The following DNM3 variants were observed in gnomAD, a reference collection of about 807,000 sequenced individuals.
DNM3 encodes dynamin 3.
A neutral mutation model predicts 101.6 loss-of-function variants in DNM3; 47 were observed. The ratio of observed to expected loss-of-function variants is 0.46; its 90% CI spans 0.37 to 0.59. The LOEUF is 0.59. DNM3 is among the 20% of genes least tolerant of loss of function. DNM3 has a pLI of 0.00. For synonymous variants in DNM3, 385 were observed against 387.9 expected, an observed-to-expected ratio of 0.99 and a Z score of 0.09; for missense variants, 849 against 1,085.7, an observed-to-expected ratio of 0.78 and a Z score of 3.06.
rs191279267 is a variant in DNM3 at position 171,867,381 on chromosome 1, G to A, written c.161+25564G>A. Among the ~76,000 whole-genome samples the A allele has an allele frequency of 3.4e-3, 525 of 152,218 alleles. 7 individuals carry two copies. The highest frequency in any genetic ancestry group is 0.012 in the African/African-American group (493 of 41,506). ...AATTTGTATTTTAATATGGCTGTTC[G>A]TGCTTCAAACCTCACATATTTGGAA... On this transcript the variant is annotated intron_variant, in intron 1 of 20. Transcript: ENST00000627582.
intron 16 of DNM3, among the ~76,000 whole-genome samples, chr1:172,316,536 T>G (rs927865475): frequency 3.9e-4 from 59 of 151,924 alleles, no homozygotes; most frequent in African/African-American, 7.7e-4. Context: ...ATAAAAGGAT[T>G]GAGGAAGATC....
At chr1:172,293,513 A>G (rs2064018728) in intron 15 of DNM3, among the ~76,000 whole-genome samples, 1 of 152,226 alleles carries the variant, frequency 6.6e-6, no homozygotes, top group Admixed American at 6.5e-5. Context: ...TGCAGCTGAA[A>G]TAGACTAAAC....
At chr1:171,981,225 T>C (rs2044765857) in intron 2 of DNM3, among the ~76,000 whole-genome samples, 1 of 152,214 alleles carries the variant, frequency 6.6e-6, no homozygotes, top group Non-Finnish European at 1.5e-5. Context: ...CAGTCCCTTA[T>C]GTATATGACC....
chr1:172,372,844 T>A (rs2068415164), intron 17 of DNM3, among the ~76,000 whole-genome samples: 1 of 151,692 alleles, frequency 6.6e-6, no homozygotes, highest in Non-Finnish European at 1.5e-5. Context: ...CCAGTATGCC[T>A]GGCTAATTTT....
chr1:171,918,624 TG>T lies in DNM3; in HGVS notation c.162-3122del, dbSNP rs567458892. 1.3e-3 allele frequency among the ~76,000 whole-genome samples: 200 copies of T among 152,330 alleles called. 2 individuals carry two copies. Among genetic ancestry groups the T allele is most frequent in the African/African-American group, 4.4e-3 (181 of 41,578 alleles). The stretch of plus-strand genomic sequence containing the variant: ...TTTGATTATCAAAATTTTTGGCTTT[TG>T]GTGAGAATATATCTGTCAGTGGTAG... On this transcript the variant is annotated intron_variant, in intron 1 of 20. Coordinates refer to ENST00000627582, the MANE Select transcript of DNM3 (RefSeq NM_015569.5).
intron 18 of DNM3, among the ~76,000 whole-genome samples, chr1:172,385,371 A>G (rs1028226373): frequency 2.6e-5 from 4 of 152,222 alleles, no homozygotes; most frequent in Non-Finnish European, 4.4e-5. Context: ...CCAAGCAAAT[A>G]AAGTTCAAAC....
In DNM3 at chr1:171,950,224, T is replaced by C. The variant is rs544789315; in HGVS notation, c.235+28403T>C. The stretch of plus-strand genomic sequence containing the variant: ...GAAGCCAGAAAAAAAAGAGTATATA[T>C]AGTATGATTCTGCAGATGGTCTCCA... On this transcript the variant is annotated intron_variant, in intron 2 of 20. Transcript: ENST00000627582. Among the ~76,000 whole-genome samples, 3 of 152,244 alleles carry C rather than the reference T, an allele frequency of 2.0e-5. No homozygotes were observed. In the South Asian group the frequency reaches 6.2e-4, roughly 32 times the overall value.
intron 2 of DNM3, among the ~76,000 whole-genome samples, chr1:171,962,979 G>A (rs569000258): frequency 1.4e-4 from 21 of 152,174 alleles, no homozygotes; most frequent in Admixed American, 9.2e-4. Flanking sequence ...ACAGTTCAGC[G>A]GTTTCTTAGG....
intron 13 of DNM3, among the ~76,000 whole-genome samples, chr1:172,129,929 A>T (rs1451369776): frequency 6.6e-6 from 1 of 152,178 alleles, no homozygotes; most frequent in East Asian, 1.9e-4. Flanking sequence ...AATGGGGGTT[A>T]TAAAAGCAAC....
intron 14 of DNM3, among the ~76,000 whole-genome samples, chr1:172,135,600 G>T (rs2057179215): frequency 6.6e-6 from 1 of 151,864 alleles, no homozygotes; most frequent in Non-Finnish European, 1.5e-5. Context: ...ATTTCCCAAT[G>T]TTGTTTTCAT....
At chr1:172,174,318 C>A (rs563373626) in intron 14 of DNM3, among the ~76,000 whole-genome samples, 58 of 151,424 alleles carry the variant, frequency 3.8e-4, no homozygotes, top group African/African-American at 1.4e-3. Context: ...ATTAATGGAA[C>A]CTAAGTTTAA....
chr1:172,349,727 G>A (rs1288947500), intron 17 of DNM3, among the ~76,000 whole-genome samples: 1 of 152,112 alleles, frequency 6.6e-6, no homozygotes, highest in Non-Finnish European at 1.5e-5. Context: ...AATAAATGAA[G>A]ACAATGTTCA....
rs2069597117 is a variant in DNM3 at position 172,392,393 on chromosome 1, G to C, written c.2522+3584G>C. 2.0e-5 allele frequency among the ~76,000 whole-genome samples: 3 copies of C among 149,456 alleles called. 1 individual carries two copies. The South Asian group carries it at 6.5e-4, about 33-fold the overall frequency. On this transcript the variant is annotated intron_variant, in intron 20 of 20. Transcript: ENST00000627582. ...CACCTCCACTCAACTTCTCTGAAGG[G>C]GCTAAATGCTGTTTGAAAATCCAAT... is the stretch of plus-strand genomic sequence containing the variant.
intron 15 of DNM3, among the ~76,000 whole-genome samples, chr1:172,270,557 A>G (rs2063044883): frequency 6.6e-6 from 1 of 152,170 alleles, no homozygotes; most frequent in South Asian, 2.1e-4. Context: ...CATAAATTAT[A>G]TTATTCTGCT....
At chr1:172,144,177 T>A (rs2057747343) in intron 14 of DNM3, among the ~76,000 whole-genome samples, 1 of 143,686 alleles carries the variant, frequency 7.0e-6, no homozygotes, top group South Asian at 2.2e-4. Context: ...GAATTATCAA[T>A]CTTCAGAAAT....
intron 14 of DNM3, among the ~76,000 whole-genome samples, chr1:172,225,764 T>TA (rs1208808617): frequency 6.6e-6 from 1 of 151,904 alleles, no homozygotes; most frequent in African/African-American, 2.4e-5. Context: ...AAAATAAATA[T>TA]AAAAAATTCC....
intron 14 of DNM3, among the ~76,000 whole-genome samples, chr1:172,184,414 G>A (rs915556823): frequency 2.0e-5 from 3 of 152,084 alleles, no homozygotes; most frequent in Admixed American, 2.0e-4. Context: ...TTCTGCAGTT[G>A]GGAGTTGGTG....
At chr1:171,901,111 T>TAAAAA (rs1332284416) in intron 1 of DNM3, among the ~76,000 whole-genome samples, 1 of 29,780 alleles carries the variant, frequency 3.4e-5, no homozygotes, top group African/African-American at 1.5e-4. Flanking sequence ...AGACTCTGTC[T>TAAAAA]CAAAAAAAAA....
In DNM3 at chr1:172,110,518, A is replaced by G. The variant is rs113779037; in HGVS notation, c.1545+17643A>G. ...GTTGAATGAAAGAATTAAATATTTT[A>G]AAATCTGGAATTAAATCACCAGCTA... On this transcript the variant is annotated intron_variant, in intron 13 of 20. Transcript: ENST00000627582. 9.9e-3 allele frequency among the ~76,000 whole-genome samples: 1,512 copies of G among 152,356 alleles called. 29 individuals are homozygous for G. Among genetic ancestry groups the G allele is most frequent in the African/African-American group, 0.034 (1,433 of 41,588 alleles).
Sources: allele counts gnomAD v4.1 joint callset (sites outside exome capture counted in the v4.1 genomes callset), GRCh38; gene constraint gnomAD v4.1.1; transcripts MANE v1.5; gene names NCBI Gene and HGNC (gene_info 2026-07-23, HGNC 2026-07-21).